Variants in ADAMTS6 observed in about 807,000 individuals in gnomAD.
The protein encoded by ADAMTS6 is ADAM metallopeptidase with thrombospondin type 1 motif 6, also known as A disintegrin and metalloproteinase with thrombospondin motifs 6.
Under a neutral mutation model 144.3 loss-of-function variants are expected in ADAMTS6, and 23 were observed. The observed-to-expected ratio is 0.16, with a 90% CI of 0.11 to 0.23. ADAMTS6 has a LOEUF of 0.23. ADAMTS6 is among the 10% of genes least tolerant of loss of function. The pLI is 1.00. For missense variants in ADAMTS6, 999 were observed against 1,379.6 expected (o/e 0.72, Z 4.37); for synonymous variants, 444 against 457.5 (o/e 0.97, Z 0.38).
intron 24 of ADAMTS6, among the ~76,000 whole-genome samples, chr5:65,160,966 A>G (rs2111997913): frequency 6.8e-6 from 1 of 146,252 alleles, no homozygotes; most frequent in African/African-American, 2.5e-5. Context: ...TTCTTCCTTG[A>G]TCTGCCTCCT....
intron 20 of ADAMTS6, chr5:65,198,626 G>A (rs1351504062): frequency 6.0e-6 from 1 of 167,038 alleles, no homozygotes; most frequent in Admixed American, 6.6e-5. Flanking sequence ...CATGACAGTG[G>A]TGAGCAGTTA....
chr5:65,455,871 T>C (rs73093219), intron 4 of ADAMTS6, among the ~76,000 whole-genome samples: 1,874 of 152,098 alleles, frequency 0.012, 36 homozygotes, highest in African/African-American at 0.042. Flanking sequence ...TCATCATCTT[T>C]GTTATTGTCA....
intron 11 of ADAMTS6, among the ~76,000 whole-genome samples, chr5:65,279,330 T>C (rs914330344): frequency 1.3e-5 from 2 of 152,194 alleles, no homozygotes; most frequent in African/African-American, 4.8e-5. Context: ...TATTTATTTT[T>C]TTGTGAGACA....
chr5:65,349,787 G>A (rs916406062), intron 7 of ADAMTS6, among the ~76,000 whole-genome samples: 9 of 151,664 alleles, frequency 5.9e-5, no homozygotes, highest in African/African-American at 9.7e-5. Context: ...CCCAAGAGGC[G>A]GAGGTTGCAG....
At chr5:65,445,157 G>T (rs1758169224) in intron 7 of ADAMTS6, among the ~76,000 whole-genome samples, 1 of 152,180 alleles carries the variant, frequency 6.6e-6, no homozygotes, top group Non-Finnish European at 1.5e-5. Flanking sequence ...TGTGTATAAA[G>T]ATAATTGATT....
Position 65,415,015 on chromosome 5 carries a change from C to T in ADAMTS6, c.1073+36460G>A, listed in dbSNP as rs7732033. Among the ~76,000 whole-genome samples the T allele has an allele frequency of 5.4e-3, 816 of 152,146 alleles. 9 individuals are homozygous for T. Among genetic ancestry groups the T allele is most frequent in the African/African-American group, 0.019 (774 of 41,502 alleles). On this transcript the variant is annotated intron_variant, in intron 7 of 24. Coordinates refer to ENST00000381055, the MANE Select transcript of ADAMTS6 (RefSeq NM_197941.4). Reference sequence around the variant, plus strand: ...TTCATTGAAAATAAAACCTTTCACGCTTCAAAACACACTATCAACAAAGTT... The same window carrying T: ...TTCATTGAAAATAAAACCTTTCACGTTTCAAAACACACTATCAACAAAGTT...
At chr5:65,361,576 G>A (rs1749824341) in intron 7 of ADAMTS6, among the ~76,000 whole-genome samples, 1 of 152,174 alleles carries the variant, frequency 6.6e-6, no homozygotes, top group Non-Finnish European at 1.5e-5. Context: ...GGGACTAGGA[G>A]GTGCCACCAA....
chr5:65,232,232 G>C (rs1201768071), intron 15 of ADAMTS6, among the ~76,000 whole-genome samples: 1 of 152,050 alleles, frequency 6.6e-6, no homozygotes, highest in Non-Finnish European at 1.5e-5. Context: ...AAGGAAAAAG[G>C]ATTATAGCAA....
chr5:65,374,575 G>A (rs1237953888), intron 7 of ADAMTS6, among the ~76,000 whole-genome samples: 1 of 151,850 alleles, frequency 6.6e-6, no homozygotes, highest in Admixed American at 6.6e-5. Flanking sequence ...CCTCTTCAAG[G>A]AGAACTACAA....
chr5:65,466,908 G>A (rs1284112120), intron 3 of ADAMTS6, among the ~76,000 whole-genome samples: 2 of 152,018 alleles, frequency 1.3e-5, no homozygotes, highest in African/African-American at 2.4e-5. Context: ...CGGGCGTAGT[G>A]GCGGGAGCCT....
intron 11 of ADAMTS6, among the ~76,000 whole-genome samples, chr5:65,285,910 T>C (rs1374935969): frequency 6.6e-6 from 1 of 152,192 alleles, no homozygotes; most frequent in Non-Finnish European, 1.5e-5. Flanking sequence ...AAAGCCTTTT[T>C]AATAGCGAAT....
chr5:65,389,639 G>A (rs1270584949), intron 7 of ADAMTS6, among the ~76,000 whole-genome samples: 3 of 146,620 alleles, frequency 2.0e-5, no homozygotes, highest in African/African-American at 7.6e-5. Flanking sequence ...GCCAAAGCCA[G>A]CTGTTAGTAA....
At chr5:65,234,532 T>A (rs1199757933) in intron 15 of ADAMTS6, among the ~76,000 whole-genome samples, 1 of 150,332 alleles carries the variant, frequency 6.7e-6, no homozygotes, top group East Asian at 1.9e-4. Context: ...ATCAGGGAAA[T>A]GCAAATAAAA....
chr5:65,215,355 A>G lies in ADAMTS6; in HGVS notation c.2405T>C (p.Leu802Pro). 2 of 1,613,924 alleles carry G rather than the reference A, an allele frequency of 1.2e-6. No individual in the cohort carries two copies. Among genetic ancestry groups the G allele is most frequent in the East Asian group, 4.5e-5 (2 of 44,872 alleles). The change falls in exon 19 of 25, where the codon CTA becomes CCA. Residue 802 changes from leucine (L) to proline (P), a missense_variant. Physicochemically the swap from Leu to Pro is moderately conservative, Grantham distance 98. Coordinates refer to ENST00000381055, the MANE Select transcript of ADAMTS6 (RefSeq NM_197941.4). ...GATGAGATTTTCTGAGGTAGGACCT[A>G]GAGCTTCCAAGGATTCTGGTTCATC... is the stretch of plus-strand genomic sequence containing the variant. Reference protein sequence around the residue: ...PTDEPESLEALGPTSENLIVM... With the variant: ...PTDEPESLEAPGPTSENLIVM...
At chr5:65,434,299 G>T (rs1757218831) in intron 7 of ADAMTS6, among the ~76,000 whole-genome samples, 1 of 152,128 alleles carries the variant, frequency 6.6e-6, no homozygotes, top group Non-Finnish European at 1.5e-5. Flanking sequence ...GGGTGAGGAA[G>T]ATGTTCTAAA....
intron 7 of ADAMTS6, among the ~76,000 whole-genome samples, chr5:65,398,997 C>T (rs1753688081): frequency 6.6e-6 from 1 of 152,114 alleles, no homozygotes; most frequent in Admixed American, 6.5e-5. Flanking sequence ...GTGGCTCATG[C>T]CTGTAATCCC....
chr5:65,280,321 T>C (rs778495659), intron 11 of ADAMTS6, among the ~76,000 whole-genome samples: 3 of 152,204 alleles, frequency 2.0e-5, no homozygotes, highest in Admixed American at 6.5e-5. Context: ...ATCCAGACTT[T>C]AGCTTTATCA....
intron 7 of ADAMTS6, among the ~76,000 whole-genome samples, chr5:65,334,413 T>G (rs1188876815): frequency 6.6e-6 from 1 of 152,250 alleles, no homozygotes; most frequent in Non-Finnish European, 1.5e-5. Context: ...TTACTACTTC[T>G]GCAAAACGCA....
At chr5:65,325,342 T>C (rs748010270) in intron 9 of ADAMTS6, among the ~76,000 whole-genome samples, 5 of 152,126 alleles carry the variant, frequency 3.3e-5, no homozygotes, top group Non-Finnish European at 7.4e-5. Context: ...AGCAAACTAT[T>C]CTAGAAAATA....
Sources: allele counts gnomAD v4.1 joint callset (sites outside exome capture counted in the v4.1 genomes callset), GRCh38; gene constraint gnomAD v4.1.1; transcripts MANE v1.5; gene names NCBI Gene and HGNC (gene_info 2026-07-23, HGNC 2026-07-21).